The following EXOC2 variants were observed in gnomAD, a reference collection of about 807,000 sequenced individuals.
The protein encoded by EXOC2 is exocyst complex component 2, also known as SEC5-like 1.
In EXOC2, 70 loss-of-function variants were observed where a neutral mutation model predicts 131.8. The observed-to-expected ratio is 0.53, with a 90% CI of 0.44 to 0.65. EXOC2 has a LOEUF of 0.65. Ranked by LOEUF, EXOC2 falls within the 30% of genes least tolerant of loss-of-function variation. The probability of loss-of-function intolerance (pLI) is 0.00; values close to 1 mark genes in which losing one functional copy is unlikely to be tolerated. For synonymous variants in EXOC2, 411 were observed against 398.4 expected (o/e 1.03, Z -0.38); for missense variants, 923 against 1,108.6 (o/e 0.83, Z 2.38).
chr6:673,250 G>C, intron 1 of EXOC2, among the ~76,000 whole-genome samples: 1 of 31,704 alleles, frequency 3.2e-5, no homozygotes, highest in East Asian at 8.4e-4. Context: ...AGACTCCATA[G>C]CCAAAAAAAA....
intron 11 of EXOC2, 130 bp from the exon 12 acceptor site, chr6:577,012 T>A: frequency 1.4e-6 from 1 of 725,700 alleles, no homozygotes; most frequent in Non-Finnish European, 2.1e-6. Context: ...AGGCATTTAT[T>A]AAATAAAATA....
chr6:490,976 T>C lies in EXOC2; in HGVS notation c.2621+149A>G, dbSNP rs1206738468. On this transcript the variant is annotated intron_variant, in intron 26 of 27. Coordinates refer to ENST00000230449, the MANE Select transcript of EXOC2 (RefSeq NM_018303.6). ...TATTAAACCCCTTTCATTTACATTG[T>C]GTTACAAAGTGGCCTTGACATAAAC... 7 of 766,676 alleles carry C rather than the reference T, an allele frequency of 9.1e-6. No individual in the cohort carries two copies. The East Asian group carries it at 1.7e-4, about 19-fold the overall frequency. The allele number at this position is 766,676 out of a possible 1,614,324, so 47.5% of individuals were successfully genotyped here.
intron 23 of EXOC2, among the ~76,000 whole-genome samples, chr6:526,234 G>C (rs1765728150): frequency 6.6e-6 from 1 of 152,116 alleles, no homozygotes; most frequent in African/African-American, 2.4e-5. Context: ...TTGCCAAAAA[G>C]CAGGTATTAT....
At chr6:653,998 C>G (rs144496748) in intron 1 of EXOC2, among the ~76,000 whole-genome samples, 51 of 152,336 alleles carry the variant, frequency 3.3e-4, no homozygotes, top group African/African-American at 1.2e-3. Context: ...ACAGAGCCTA[C>G]ATGACAGCAC....
At chr6:500,132 C>G (rs923813330) in intron 23 of EXOC2, among the ~76,000 whole-genome samples, 2 of 151,970 alleles carry the variant, frequency 1.3e-5, no homozygotes, top group African/African-American at 4.8e-5. Flanking sequence ...TAAGCAGTAA[C>G]ACAAAATACA....
At chr6:565,143 G>A (rs1412232546) in intron 13 of EXOC2, among the ~76,000 whole-genome samples, 1 of 152,052 alleles carries the variant, frequency 6.6e-6, no homozygotes, top group Non-Finnish European at 1.5e-5. Flanking sequence ...AAACCTTTAC[G>A]TACAATTCCC....
intron 6 of EXOC2, among the ~76,000 whole-genome samples, chr6:612,102 G>C (rs1191064481): frequency 6.6e-6 from 1 of 152,204 alleles, no homozygotes; most frequent in African/African-American, 2.4e-5. Flanking sequence ...GTATGTATAT[G>C]CTCTAACCAA....
At chr6:596,385 T>C (rs1759821667) in intron 10 of EXOC2, among the ~76,000 whole-genome samples, 1 of 151,868 alleles carries the variant, frequency 6.6e-6, no homozygotes, top group South Asian at 2.1e-4. Context: ...TCTTTTCTTT[T>C]CAGAGACAGG....
chr6:501,985 C>T (rs913666537), intron 23 of EXOC2, among the ~76,000 whole-genome samples: 1 of 151,958 alleles, frequency 6.6e-6, no homozygotes, highest in Non-Finnish European at 1.5e-5. Flanking sequence ...GAAAGCCACA[C>T]CCCCCGGTGT....
chr6:604,617 C>T (rs1760293939), intron 7 of EXOC2, among the ~76,000 whole-genome samples: 1 of 152,114 alleles, frequency 6.6e-6, no homozygotes, highest in African/African-American at 2.4e-5. Flanking sequence ...GGGCAGACCT[C>T]GTCTACCCTG....
intron 23 of EXOC2, among the ~76,000 whole-genome samples, chr6:527,845 T>G (rs189473833): frequency 1.2e-3 from 182 of 152,240 alleles, no homozygotes; most frequent in African/African-American, 4.2e-3. Context: ...TACATTAATT[T>G]AAATTTTTAT....
intron 11 of EXOC2, among the ~76,000 whole-genome samples, chr6:579,413 A>G (rs540678761): frequency 1.9e-4 from 29 of 152,308 alleles, no homozygotes; most frequent in African/African-American, 4.8e-4. Context: ...AAATTTTCCA[A>G]TTGGTACCCT....
chr6:561,737 C>A (rs985505524), intron 17 of EXOC2, among the ~76,000 whole-genome samples: 5 of 152,192 alleles, frequency 3.3e-5, no homozygotes, highest in African/African-American at 4.8e-5. Flanking sequence ...AGGCGCCCAC[C>A]ACCATGCCCA....
intron 27 of EXOC2, 109 bp downstream of exon 27, chr6:488,870 G>T: frequency 8.6e-7 from 1 of 1,164,728 alleles, no homozygotes; most frequent in Non-Finnish European, 1.2e-6. Context: ...TTCTTATTTG[G>T]ATTCTGCTCT....
In EXOC2 at chr6:497,472, T is replaced by C. The variant is rs754263803; in HGVS notation, c.2454A>G (p.Lys818=). 47 of 1,611,202 alleles carry C rather than the reference T, an allele frequency of 2.9e-5. No homozygotes were observed. The highest frequency in any genetic ancestry group is 3.8e-5 in the Non-Finnish European group (45 of 1,178,776). Residue 818 remains lysine, a synonymous_variant, in exon 25 of 28, where the codon AAA becomes AAG. Transcript: ENST00000230449. ...AVHAEVFTIS[K]ELVPRVLSKV... ...TGGATAGTACCCGAGGGACCAGTTC[T>C]TTGGAAATGGTGAACACCTGGTTTG...
At position 612,775 on chromosome 6, in the gene EXOC2, G is replaced by A. The variant is rs114958792; in HGVS notation, c.662-2597C>T. 4.8e-3 allele frequency among the ~76,000 whole-genome samples: 724 copies of A among 152,020 alleles called. 5 individuals are homozygous for A. The highest frequency in any genetic ancestry group is 0.017 in the African/African-American group (696 of 41,510). On this transcript the variant is annotated intron_variant, in intron 6 of 27. Transcript: ENST00000230449. ...GGAAGGAAGACAAATAAGACAGAGC[G>A]CAGGGAGGAACATGCGTAATTTAGT...
At chr6:518,489 A>C (rs542543434) in intron 23 of EXOC2, among the ~76,000 whole-genome samples, 99 of 152,372 alleles carry the variant, frequency 6.5e-4, no homozygotes, top group Non-Finnish European at 1.2e-3. Context: ...AAACATAATA[A>C]AATAAATACT....
chr6:659,787 G>A (rs368852706), intron 1 of EXOC2, among the ~76,000 whole-genome samples: 1 of 152,168 alleles, frequency 6.6e-6, no homozygotes, highest in Non-Finnish European at 1.5e-5. Context: ...GGAGCAGGGG[G>A]TACAACTCCA....
chr6:676,684 G>A (rs1485896647), intron 1 of EXOC2, among the ~76,000 whole-genome samples: 2 of 68,138 alleles, frequency 2.9e-5, no homozygotes, highest in African/African-American at 4.4e-5. Context: ...GTGACTCTGC[G>A]GTTCCCCATA....
Sources: gnomAD v4.1 joint callset for allele counts (sites outside exome capture counted in the v4.1 genomes callset) on GRCh38, gnomAD v4.1.1 for gene constraint, MANE v1.5 for transcripts, NCBI Gene and HGNC (gene_info 2026-07-23, HGNC 2026-07-21) for gene names.